Variants in WWOX observed in about 807,000 individuals in gnomAD.
The protein encoded by WWOX is WW domain-containing oxidoreductase.
Under a neutral mutation model 46.2 loss-of-function variants are expected in WWOX, and 69 were observed. That is an observed-to-expected ratio of 1.49 (90% CI 1.23 to 1.82). The LOEUF (loss-of-function observed/expected upper bound fraction) is 1.82, where lower values mean the gene tolerates loss of function less well. Among genes scored for constraint, WWOX ranks in the 40% most tolerant of loss-of-function variants. The probability of loss-of-function intolerance (pLI) is 0.00; values close to 1 mark genes in which losing one functional copy is unlikely to be tolerated. For synonymous variants in WWOX, 359 were observed against 202.6 expected (o/e 1.77, Z -6.56); for missense variants, 919 against 542.6 (o/e 1.69, Z -6.89).
intron 5 of WWOX, among the ~76,000 whole-genome samples, chr16:78,334,808 GCACACACACACACACACACACACATA>G (rs1328934025): frequency 4.1e-4 from 32 of 78,752 alleles, no homozygotes; most frequent in African/African-American, 6.9e-4. Flanking sequence ...ACACACACAC[GCACACACACACACACACACACACATA>G]CACACACACA....
intron 6 of WWOX, among the ~76,000 whole-genome samples, chr16:78,406,985 G>C (rs2082564754): frequency 6.6e-6 from 1 of 152,178 alleles, no homozygotes; most frequent in African/African-American, 2.4e-5. Flanking sequence ...TGTTTTGCTA[G>C]TGGCACATGC....
At chr16:78,715,292 A>G (rs896315382) in intron 8 of WWOX, among the ~76,000 whole-genome samples, 2 of 152,276 alleles carry the variant, frequency 1.3e-5, no homozygotes, top group African/African-American at 2.4e-5. Context: ...GAGGGAGGCA[A>G]TTGCTGTCAC....
intron 8 of WWOX, among the ~76,000 whole-genome samples, chr16:78,846,729 G>A (rs1266113554): frequency 1.3e-5 from 2 of 152,050 alleles, no homozygotes; most frequent in Non-Finnish European, 2.9e-5. Flanking sequence ...ATTGGGGGAG[G>A]TACTTTGGGA....
intron 5 of WWOX, among the ~76,000 whole-genome samples, chr16:78,284,467 C>CAT (rs2079735305): frequency 6.6e-6 from 1 of 152,216 alleles, no homozygotes; most frequent in African/African-American, 2.4e-5. Flanking sequence ...TACATGTTAA[C>CAT]ATAAACATGG....
intron 5 of WWOX, among the ~76,000 whole-genome samples, chr16:78,230,608 T>TCA (rs1457942552): frequency 2.6e-5 from 4 of 152,252 alleles, no homozygotes; most frequent in Admixed American, 2.0e-4. Context: ...TATCAACTGC[T>TCA]GAGCACCTGT....
At chr16:78,790,966 C>T (rs961524233) in intron 8 of WWOX, among the ~76,000 whole-genome samples, 1 of 132,682 alleles carries the variant, frequency 7.5e-6, no homozygotes, top group African/African-American at 3.0e-5. Flanking sequence ...TTGCAGTGAG[C>T]CAAGATTACA....
At chr16:78,648,789 C>G (rs1292908240) in intron 8 of WWOX, among the ~76,000 whole-genome samples, 1 of 152,152 alleles carries the variant, frequency 6.6e-6, no homozygotes, top group Non-Finnish European at 1.5e-5. Context: ...TGAGCCTCTG[C>G]CAAACACAAC....
chr16:78,985,324 C>T lies in WWOX; in HGVS notation c.1057-226284C>T, dbSNP rs531230881. ...AAGCAGTTCAGCCCGTAAATCTGTG[C>T]CACCGGCACGCAGGGTGTTGTGTTG... On this transcript the variant is annotated intron_variant, in intron 8 of 8. Transcript: ENST00000566780. Among the ~76,000 whole-genome samples, 10 of 152,310 alleles carry T rather than the reference C, an allele frequency of 6.6e-5. No individual in the cohort carries two copies. In the South Asian group the frequency reaches 1.0e-3, roughly 16 times the overall value.
intron 8 of WWOX, among the ~76,000 whole-genome samples, chr16:78,541,245 C>T (rs995638626): frequency 2.0e-5 from 3 of 151,618 alleles, no homozygotes; most frequent in Admixed American, 6.6e-5. Flanking sequence ...GAGGCCGAGG[C>T]GGGCGGATCA....
intron 8 of WWOX, among the ~76,000 whole-genome samples, chr16:78,953,508 G>A (rs970794017): frequency 1.3e-5 from 2 of 152,108 alleles, no homozygotes; most frequent in Non-Finnish European, 2.9e-5. Context: ...GCTACATAAT[G>A]TCTTCCTAAC....
intron 5 of WWOX, among the ~76,000 whole-genome samples, chr16:78,219,439 A>G (rs946568584): frequency 6.6e-6 from 1 of 152,218 alleles, no homozygotes; most frequent in Non-Finnish European, 1.5e-5. Context: ...GCACAGCCAG[A>G]TAACAACAAC....
chr16:79,186,556 T>C (rs1196121990), intron 8 of WWOX, among the ~76,000 whole-genome samples: 1 of 152,198 alleles, frequency 6.6e-6, no homozygotes, highest in Non-Finnish European at 1.5e-5. Flanking sequence ...ATCTTAACTG[T>C]TTAACTCTGT....
intron 8 of WWOX, among the ~76,000 whole-genome samples, chr16:78,964,981 T>G (rs2151316383): frequency 6.6e-6 from 1 of 152,322 alleles, no homozygotes; most frequent in South Asian, 2.1e-4. Flanking sequence ...AATTGGGGTT[T>G]GGGAACCTCT....
At chr16:78,500,546 C>T (rs1051331056) in intron 8 of WWOX, among the ~76,000 whole-genome samples, 3 of 152,072 alleles carry the variant, frequency 2.0e-5, no homozygotes, top group African/African-American at 4.8e-5. Flanking sequence ...GTGCCAGGTG[C>T]ATGCTGCTGG....
chr16:79,088,242 T>G (rs1023068149), intron 8 of WWOX, among the ~76,000 whole-genome samples: 3 of 152,158 alleles, frequency 2.0e-5, no homozygotes, highest in Non-Finnish European at 4.4e-5. Flanking sequence ...CTTGGATCCC[T>G]AAGCACAGCC....
intron 8 of WWOX, among the ~76,000 whole-genome samples, chr16:79,067,552 T>G (rs2150559285): frequency 6.9e-6 from 1 of 144,404 alleles, no homozygotes; most frequent in African/African-American, 2.6e-5. Flanking sequence ...CCCTGACCAC[T>G]GCCACATGGA....
At chr16:78,823,218 A>G (rs1285405070) in intron 8 of WWOX, among the ~76,000 whole-genome samples, 1 of 152,204 alleles carries the variant, frequency 6.6e-6, no homozygotes, top group Non-Finnish European at 1.5e-5. Flanking sequence ...CAGGCCTTGG[A>G]TGGTGCTGTA....
rs188103039 is a variant in WWOX, at chr16:79,047,926, A to G, written c.1057-163682A>G. Among the ~76,000 whole-genome samples the G allele has an allele frequency of 2.2e-3, 334 of 152,142 alleles. 2 individuals carry two copies. Among genetic ancestry groups the G allele is most frequent in the Non-Finnish European group, 4.9e-4 (33 of 68,000 alleles). On this transcript the variant is annotated intron_variant, in intron 8 of 8. Coordinates refer to ENST00000566780, the MANE Select transcript of WWOX (RefSeq NM_016373.4). ...TTTTGAACCAGAATACACCCGAGCAATTACCTAGCACAAAATCTCCTGTCT... is the reference window on the plus strand; with the variant it reads ...TTTTGAACCAGAATACACCCGAGCAGTTACCTAGCACAAAATCTCCTGTCT...
intron 8 of WWOX, among the ~76,000 whole-genome samples, chr16:79,145,657 C>T (rs571766264): frequency 1.6e-4 from 25 of 152,106 alleles, no homozygotes; most frequent in South Asian, 1.5e-3. Flanking sequence ...TGGGATGAAA[C>T]CAAAATGTTC....
Sources: allele counts gnomAD v4.1 joint callset (sites outside exome capture counted in the v4.1 genomes callset), GRCh38; gene constraint gnomAD v4.1.1; transcripts MANE v1.5; gene names NCBI Gene and HGNC (gene_info 2026-07-23, HGNC 2026-07-21).